The following EPHX1 variants were observed in gnomAD, a reference collection of about 807,000 sequenced individuals.
EPHX1 encodes epoxide hydrolase 1.
A neutral mutation model predicts 43.2 loss-of-function variants in EPHX1; 40 were observed. The ratio of observed to expected loss-of-function variants is 0.93; its 90% CI spans 0.72 to 1.21. The LOEUF (loss-of-function observed/expected upper bound fraction) is 1.21. Among genes scored for constraint, EPHX1 ranks in the 50% most tolerant of loss-of-function variants. EPHX1 has a pLI of 0.00. For synonymous variants in EPHX1, 221 were observed against 226.7 expected, an observed-to-expected ratio of 0.98 and a Z score of 0.22; for missense variants, 550 against 570.4, an observed-to-expected ratio of 0.96 and a Z score of 0.36.
intron 1 of EPHX1, among the ~76,000 whole-genome samples, chr1:225,824,908 A>G (rs1410370359): frequency 6.6e-6 from 1 of 152,226 alleles, no homozygotes; most frequent in South Asian, 2.1e-4. Flanking sequence ...CTGCTATTAA[A>G]TAAAGGGCTG....
intron 1 of EPHX1, among the ~76,000 whole-genome samples, chr1:225,823,934 C>A (rs1036380433): frequency 1.1e-4 from 16 of 152,216 alleles, no homozygotes; most frequent in Non-Finnish European, 2.1e-4. Flanking sequence ...TTGCTTTCCC[C>A]TTACTCCACA....
chr1:225,828,353 A>C (rs1044527388), intron 1 of EPHX1, among the ~76,000 whole-genome samples: 2 of 151,488 alleles, frequency 1.3e-5, no homozygotes, highest in Non-Finnish European at 2.9e-5. Context: ...AAAAAAAAAA[A>C]CAACATGAGG....
intron 1 of EPHX1, among the ~76,000 whole-genome samples, chr1:225,810,791 G>A (rs1456965548): frequency 1.3e-5 from 2 of 151,758 alleles, no homozygotes; most frequent in Non-Finnish European, 2.9e-5. Flanking sequence ...GTGCTCAGTA[G>A]GGGAGCTTTT....
intron 1 of EPHX1, among the ~76,000 whole-genome samples, chr1:225,826,470 G>C (rs559736097): frequency 2.4e-5 from 2 of 84,290 alleles, no homozygotes; most frequent in East Asian, 7.0e-4. Context: ...AAAAAAAAAA[G>C]GGAAAGCAAT....
chr1:225,843,055 T>C (rs991525431), intron 7 of EPHX1, among the ~76,000 whole-genome samples: 1 of 152,072 alleles, frequency 6.6e-6, no homozygotes, highest in African/African-American at 2.4e-5. Context: ...GGAAAGACAG[T>C]AAAATGAGAC....
intron 3 of EPHX1, among the ~76,000 whole-genome samples, chr1:225,834,835 G>A (rs968568516): frequency 3.3e-5 from 5 of 152,184 alleles, no homozygotes; most frequent in Admixed American, 3.3e-4. Flanking sequence ...CAGCTCTTCA[G>A]TGTCCATCCA....
chr1:225,844,445 TCA>T, intron 7 of EPHX1, 51 bp from the exon 8 acceptor site: 1 of 1,613,404 alleles, frequency 6.2e-7, no homozygotes, highest in East Asian at 2.2e-5. Flanking sequence ...CTGCCCTTTG[TCA>T]CACAACTGCA....
Position 225,839,254 on chromosome 1 carries a change from G to T in EPHX1, c.630G>T (p.Lys210Asn). The T allele has an allele frequency of 6.2e-7, 1 of 1,614,152 alleles. No individual in the cohort carries two copies. The highest frequency in any genetic ancestry group is 1.1e-5 in the South Asian group (1 of 91,080). Reference sequence around the variant, plus strand: ...TGGCCACCGCCAGGATCTTTTACAAGCTGATGCTGCGGCTGGGCTTCCAGG... The same window carrying T: ...TGGCCACCGCCAGGATCTTTTACAATCTGATGCTGCGGCTGGGCTTCCAGG... ...NSVATARIFY[K>N]LMLRLGFQEF... Residue 210 changes from lysine to asparagine, a missense_variant, in exon 5 of 9, where the codon AAG becomes AAT. By Grantham distance (94) the Lys-to-Asn change is moderately conservative. Coordinates refer to ENST00000272167, the MANE Select transcript of EPHX1 (RefSeq NM_001136018.4).
At chr1:225,814,792 G>A (rs534075475) in intron 1 of EPHX1, among the ~76,000 whole-genome samples, 7 of 152,352 alleles carry the variant, frequency 4.6e-5, no homozygotes, top group South Asian at 2.1e-4. Flanking sequence ...GACACTGGCC[G>A]CATTGAGGGG....
chr1:225,839,030 C>A, intron 4 of EPHX1, 149 bp downstream of exon 4: 1 of 1,316,916 alleles, frequency 7.6e-7, no homozygotes, highest in Non-Finnish European at 1.1e-6. Flanking sequence ...GCCCCAGACA[C>A]ACCGCCCTCC....
intron 1 of EPHX1, among the ~76,000 whole-genome samples, chr1:225,814,077 A>C (rs958363335): frequency 6.6e-6 from 1 of 152,228 alleles, no homozygotes; most frequent in Admixed American, 6.5e-5. Flanking sequence ...ACTACTTCAC[A>C]TATCTGAGCT....
At chr1:225,811,855 G>A (rs1666499228) in intron 1 of EPHX1, among the ~76,000 whole-genome samples, 2 of 152,234 alleles carry the variant, frequency 1.3e-5, no homozygotes, top group African/African-American at 4.8e-5. Flanking sequence ...CTGAGGCACA[G>A]CGGGGAGCAT....
At chr1:225,834,270 T>C (rs538775246) in intron 3 of EPHX1, among the ~76,000 whole-genome samples, 3 of 151,424 alleles carry the variant, frequency 2.0e-5, no homozygotes, top group African/African-American at 2.4e-5. Context: ...CTGGGCATGG[T>C]GGCACGTGCC....
chr1:225,822,215 A>T (rs566728185), intron 1 of EPHX1, among the ~76,000 whole-genome samples: 1 of 152,216 alleles, frequency 6.6e-6, no homozygotes, highest in Non-Finnish European at 1.5e-5. Flanking sequence ...CTAAATGACC[A>T]CTATCTTCCA....
In EPHX1 at chr1:225,845,527, C is replaced by A; in HGVS notation, c.*180C>A. Reference sequence around the variant, plus strand: ...CCAACCCCCAACTCCGTGTGGTAAGCAACATGGCTTTGATGATAAACGACT... The same window carrying A: ...CCAACCCCCAACTCCGTGTGGTAAGAAACATGGCTTTGATGATAAACGACT... On this transcript the variant is annotated 3_prime_UTR_variant, in exon 9 of 9. Coordinates refer to ENST00000272167, the MANE Select transcript of EPHX1 (RefSeq NM_001136018.4). 3.1e-6 allele frequency: 2 copies of A among 636,768 alleles called. No homozygotes were observed. The highest frequency in any genetic ancestry group is 2.7e-6 in the Non-Finnish European group (1 of 367,438). The allele number at this position is 636,768 out of a possible 1,614,324, so 39.4% of individuals were successfully genotyped here.
At chr1:225,818,474 T>G (rs1666825380) in intron 1 of EPHX1, among the ~76,000 whole-genome samples, 1 of 151,972 alleles carries the variant, frequency 6.6e-6, no homozygotes, top group African/African-American at 2.4e-5. Context: ...CAGTCTGAAA[T>G]CTGAAAGGTG....
At chr1:225,814,778 G>A (rs1371742205) in intron 1 of EPHX1, among the ~76,000 whole-genome samples, 1 of 152,232 alleles carries the variant, frequency 6.6e-6, no homozygotes, top group African/African-American at 2.4e-5. Context: ...CCTGTGGAAC[G>A]AGAGACACTG....
At position 225,839,964 on chromosome 1, in the gene EPHX1, G is replaced by T. The variant is rs1166841987; in HGVS notation, c.858G>T (p.Lys286Asn). Residue 286 changes from lysine to asparagine, a missense_variant, in exon 6 of 9, where the codon AAG becomes AAT. Physicochemically the swap from Lys to Asn is moderately conservative, Grantham distance 94. Transcript: ENST00000272167. ...ATGTGGAGCTGCTGTACCCCGTCAAGGAGAAGGTATTCTACAGCCTGATGA... is the reference window on the plus strand; with the variant it reads ...ATGTGGAGCTGCTGTACCCCGTCAATGAGAAGGTATTCTACAGCCTGATGA... Reference protein sequence around the residue: ...ERDVELLYPVKEKVFYSLMRE... With the variant: ...ERDVELLYPVNEKVFYSLMRE... The T allele has an allele frequency of 6.2e-7, 1 of 1,614,196 alleles. No individual in the cohort carries two copies. Among genetic ancestry groups the T allele is most frequent in the Non-Finnish European group, 8.5e-7 (1 of 1,179,998 alleles).
At chr1:225,844,467 G>A in intron 7 of EPHX1, 31 bp from the exon 8 acceptor site, 2 of 1,614,060 alleles carry the variant, frequency 1.2e-6, no homozygotes, top group Non-Finnish European at 1.7e-6. Context: ...ATGTGGCACT[G>A]AGAGTGGGGC....
Sources: allele counts gnomAD v4.1 joint callset (sites outside exome capture counted in the v4.1 genomes callset), GRCh38; gene constraint gnomAD v4.1.1; transcripts MANE v1.5; gene names NCBI Gene and HGNC (gene_info 2026-07-23, HGNC 2026-07-21).